The following ATP6V0D2 variants were observed in gnomAD, a reference collection of about 807,000 sequenced individuals.
The protein encoded by ATP6V0D2 is ATPase H+ transporting V0 subunit d2.
A neutral mutation model predicts 40.0 loss-of-function variants in ATP6V0D2; 40 were observed. That is an observed-to-expected ratio of 1.00 (90% CI 0.78 to 1.30). ATP6V0D2 has a LOEUF of 1.30. Among genes scored for constraint, ATP6V0D2 ranks in the 50% most tolerant of loss-of-function variants. The pLI, the probability that ATP6V0D2 is intolerant of heterozygous loss-of-function variation, is 0.00. For missense variants in ATP6V0D2, 470 were observed against 423.1 expected, an observed-to-expected ratio of 1.11 and a Z score of -0.97; for synonymous variants, 179 against 156.3, an observed-to-expected ratio of 1.15 and a Z score of -1.08.
intron 2 of ATP6V0D2, among the ~76,000 whole-genome samples, chr8:86,120,677 T>G (rs1039725157): frequency 6.6e-5 from 10 of 152,230 alleles, no homozygotes; most frequent in Non-Finnish European, 1.0e-4. Flanking sequence ...CTGACTTAAA[T>G]GTTTTACCTT....
At position 86,151,545 on chromosome 8, in the gene ATP6V0D2, G is replaced by A. The variant is rs573898633; in HGVS notation, c.891+5G>A. The stretch of plus-strand genomic sequence containing the variant: ...GACGTGTTTTACGAGCGTGAGGTAT[G>A]ATATAAGTGGAAATACTATTAGCTT... On this transcript the variant is annotated splice_donor_5th_base_variant and intron_variant, in intron 7 of 7. Transcript: ENST00000285393. 4 of 1,593,088 alleles carry A rather than the reference G, an allele frequency of 2.5e-6. No individual in the cohort carries two copies. Among genetic ancestry groups the A allele is most frequent in the Non-Finnish European group, 3.4e-6 (4 of 1,168,672 alleles).
chr8:86,147,951 T>C (rs185603091), intron 5 of ATP6V0D2, among the ~76,000 whole-genome samples: 43 of 152,336 alleles, frequency 2.8e-4, no homozygotes, highest in African/African-American at 1.0e-3. Context: ...CCCAGCCAGC[T>C]GTCCTTCCCA....
intron 1 of ATP6V0D2, among the ~76,000 whole-genome samples, chr8:86,103,346 G>T (rs1204085460): frequency 6.7e-6 from 1 of 150,164 alleles, no homozygotes; most frequent in Non-Finnish European, 1.5e-5. Context: ...GGCCAGGCTG[G>T]TCTCAAACTC....
At chr8:86,146,967 A>C (rs537110308) in intron 5 of ATP6V0D2, among the ~76,000 whole-genome samples, 3 of 151,624 alleles carry the variant, frequency 2.0e-5, no homozygotes, top group Admixed American at 6.6e-5. Flanking sequence ...CTCAGCTTAC[A>C]TGTGAAAATT....
intron 1 of ATP6V0D2, among the ~76,000 whole-genome samples, chr8:86,100,124 G>A (rs1433742826): frequency 3.3e-5 from 5 of 151,778 alleles, no homozygotes; most frequent in Admixed American, 2.6e-4. Context: ...CATGTCACCA[G>A]TAGGTGACCT....
At chr8:86,146,677 G>A (rs984635719) in intron 5 of ATP6V0D2, among the ~76,000 whole-genome samples, 6 of 152,106 alleles carry the variant, frequency 3.9e-5, no homozygotes, top group African/African-American at 1.4e-4. Flanking sequence ...GGGTGACGGA[G>A]TGAGATCCTG....
At chr8:86,147,691 T>C (rs559856474) in intron 5 of ATP6V0D2, among the ~76,000 whole-genome samples, 75 of 152,272 alleles carry the variant, frequency 4.9e-4, no homozygotes, top group Non-Finnish European at 8.2e-4. Context: ...GAAAATGGAA[T>C]GTAATCAGGG....
At chr8:86,120,379 A>G (rs1048349581) in intron 2 of ATP6V0D2, among the ~76,000 whole-genome samples, 1 of 152,094 alleles carries the variant, frequency 6.6e-6, no homozygotes. Flanking sequence ...AGCTTGAGTG[A>G]CAGAGTGAGA....
intron 1 of ATP6V0D2, among the ~76,000 whole-genome samples, chr8:86,099,525 C>T (rs1193269130): frequency 6.6e-6 from 1 of 152,150 alleles, no homozygotes; most frequent in Non-Finnish European, 1.5e-5. Context: ...TGGAGTTTCA[C>T]TCTTGTTGCA....
chr8:86,111,218 G>A (rs1457126884), intron 1 of ATP6V0D2, among the ~76,000 whole-genome samples: 2 of 140,292 alleles, frequency 1.4e-5, no homozygotes, highest in African/African-American at 5.2e-5. Context: ...ACAAGGTCTT[G>A]CTTTGTCACC....
At chr8:86,144,133 G>A (rs1819016019) in intron 5 of ATP6V0D2, among the ~76,000 whole-genome samples, 1 of 152,082 alleles carries the variant, frequency 6.6e-6, no homozygotes, top group South Asian at 2.1e-4. Context: ...TCCTCTTAAG[G>A]ACCACAGATT....
chr8:86,104,396 A>G (rs770372630), intron 1 of ATP6V0D2, among the ~76,000 whole-genome samples: 15 of 152,192 alleles, frequency 9.9e-5, no homozygotes, highest in Non-Finnish European at 1.9e-4. Flanking sequence ...CTGCATTTAA[A>G]AGGAAAAACG....
chr8:86,142,798 A>G (rs112668330), intron 4 of ATP6V0D2, 79 bp from the exon 5 acceptor site: 6 of 863,870 alleles, frequency 6.9e-6, no homozygotes, highest in African/African-American at 5.1e-5. Context: ...CATTTAATAA[A>G]CCATGAAAAG....
At position 86,143,032 on chromosome 8, in the gene ATP6V0D2, T is replaced by C. The variant is rs1362169477; in HGVS notation, c.639+78T>C. On this transcript the variant is annotated intron_variant, in intron 5 of 7. Transcript: ENST00000285393. ...TTATTGTTTTAACCTTACTTATATT[T>C]CCTTATCTTTGAATTTTTTTTTAAT... The C allele has an allele frequency of 3.0e-6, 3 of 1,012,966 alleles. No individual in the cohort carries two copies. The East Asian group carries it at 7.5e-5, about 25-fold the overall frequency. The allele number at this position is 1,012,966 out of a possible 1,614,324, so 62.7% of individuals were successfully genotyped here.
intron 2 of ATP6V0D2, among the ~76,000 whole-genome samples, chr8:86,134,315 A>C (rs1005313993): frequency 1.3e-5 from 2 of 152,232 alleles, no homozygotes; most frequent in African/African-American, 4.8e-5. Context: ...GAATGGCTAA[A>C]CGAAGCTTTT....
At chr8:86,126,297 T>C (rs955933582) in intron 2 of ATP6V0D2, among the ~76,000 whole-genome samples, 17 of 143,212 alleles carry the variant, frequency 1.2e-4, no homozygotes, top group Non-Finnish European at 2.0e-4. Flanking sequence ...CAGGTGTACA[T>C]GTGCAGGATG....
intron 5 of ATP6V0D2, among the ~76,000 whole-genome samples, chr8:86,143,737 G>T (rs142443691): frequency 1.1e-3 from 171 of 152,210 alleles, no homozygotes; most frequent in African/African-American, 3.9e-3. Flanking sequence ...ATGCCTAACC[G>T]TCTAGGAATG....
At chr8:86,100,215 AT>A (rs113388826) in intron 1 of ATP6V0D2, among the ~76,000 whole-genome samples, 3,979 of 147,964 alleles carry the variant, frequency 0.027, 194 homozygotes, top group Admixed American at 0.12. Context: ...TCTAAACCAC[AT>A]TTTTTTTTTC....
chr8:86,152,535 C>G (rs1210771523), intron 7 of ATP6V0D2, among the ~76,000 whole-genome samples: 1 of 152,190 alleles, frequency 6.6e-6, no homozygotes, highest in African/African-American at 2.4e-5. Context: ...TTTACACTCC[C>G]ACTAACAGTG....
Sources: allele counts gnomAD v4.1 joint callset (sites outside exome capture counted in the v4.1 genomes callset), GRCh38; gene constraint gnomAD v4.1.1; transcripts MANE v1.5; gene names NCBI Gene and HGNC (gene_info 2026-07-23, HGNC 2026-07-21).